Variants in PSMD5 observed in about 807,000 individuals in gnomAD.
The protein encoded by PSMD5 is 26S proteasome non-ATPase regulatory subunit 5.
A neutral mutation model predicts 52.1 loss-of-function variants in PSMD5; 40 were observed. The ratio of observed to expected loss-of-function variants is 0.77; its 90% CI spans 0.60 to 1.00. PSMD5 has a LOEUF of 1.00. Ranked by LOEUF, PSMD5 falls within the 50% of genes least tolerant of loss-of-function variation. The pLI, the probability that PSMD5 is intolerant of heterozygous loss-of-function variation, is 0.00. For synonymous variants in PSMD5, 211 were observed against 226.6 expected, an observed-to-expected ratio of 0.93 and a Z score of 0.62; for missense variants, 575 against 605.2, an observed-to-expected ratio of 0.95 and a Z score of 0.52.
chr9:120,826,638 C>G, intron 6 of PSMD5, 127 bp downstream of exon 6: 1 of 1,183,746 alleles, frequency 8.4e-7, no homozygotes, highest in Non-Finnish European at 1.2e-6. Context: ...ACGAAATCAG[C>G]TCATTAAGGA....
chr9:120,833,463 G>C lies in PSMD5; in HGVS notation c.174-7C>G. 1 of 1,611,968 alleles carries C rather than the reference G, an allele frequency of 6.2e-7. No individual in the cohort carries two copies. The highest frequency in any genetic ancestry group is 8.5e-7 in the Non-Finnish European group (1 of 1,178,598). The stretch of plus-strand genomic sequence containing the variant: ...ACACAAAGTAGTCTTTTCCCTGAAG[G>C]AGACATCATAAATCTTATTAGTTCA... On this transcript the variant is annotated splice_region_variant and splice_polypyrimidine_tract_variant and intron_variant, in intron 1 of 9. Transcript: ENST00000210313.
chr9:120,835,020 C>A (rs907896874), intron 1 of PSMD5, among the ~76,000 whole-genome samples: 5 of 152,216 alleles, frequency 3.3e-5, no homozygotes, highest in African/African-American at 1.2e-4. Flanking sequence ...CACAATTCAA[C>A]TGATACAACC....
At chr9:120,828,743 A>G (rs1028230051) in intron 5 of PSMD5, among the ~76,000 whole-genome samples, 1 of 152,152 alleles carries the variant, frequency 6.6e-6, no homozygotes, top group African/African-American at 2.4e-5. Context: ...TGTTTTTTCT[A>G]TCATGCCATA....
At chr9:120,833,011 C>CT (rs1564477331) in intron 2 of PSMD5, among the ~76,000 whole-genome samples, 1 of 152,206 alleles carries the variant, frequency 6.6e-6, no homozygotes, top group Admixed American at 6.5e-5. Context: ...CTTGGTAACT[C>CT]TAACAGCATA....
intron 7 of PSMD5, among the ~76,000 whole-genome samples, chr9:120,822,517 C>T (rs753857151): frequency 2.0e-5 from 3 of 152,050 alleles, no homozygotes; most frequent in African/African-American, 7.2e-5. Context: ...TACACAACAG[C>T]GTATTAATTT....
chr9:120,819,600 C>T (rs976771746), intron 9 of PSMD5, among the ~76,000 whole-genome samples: 2 of 152,156 alleles, frequency 1.3e-5, no homozygotes, highest in Admixed American at 6.5e-5. Context: ...TCTGGGAGGC[C>T]GAGGCGGGCG....
chr9:120,826,403 T>A (rs1420074661), intron 6 of PSMD5, among the ~76,000 whole-genome samples: 1 of 152,218 alleles, frequency 6.6e-6, no homozygotes, highest in Non-Finnish European at 1.5e-5. Flanking sequence ...TTCTATACTT[T>A]ATTTGTTAAG....
chr9:120,833,975 CTTTT>C (rs34657179), intron 1 of PSMD5, among the ~76,000 whole-genome samples: 2 of 80,316 alleles, frequency 2.5e-5, no homozygotes, highest in Admixed American at 3.0e-4. Flanking sequence ...CGCACCTGGC[CTTTT>C]TTTTTTTTTT....
chr9:120,835,598 G>A (rs768753880), intron 1 of PSMD5, among the ~76,000 whole-genome samples: 8 of 151,888 alleles, frequency 5.3e-5, no homozygotes, highest in Non-Finnish European at 8.8e-5. Flanking sequence ...TGTGGTAGTG[G>A]GCGCCTGTAA....
At chr9:120,842,399 A>C in intron 1 of PSMD5, 1 of 300,230 alleles carries the variant, frequency 3.3e-6, no homozygotes, top group East Asian at 6.3e-5. Context: ...TAGAAGGGGA[A>C]ACAAATCAAG....
chr9:120,836,702 T>C (rs1299581466), intron 1 of PSMD5, among the ~76,000 whole-genome samples: 2 of 152,264 alleles, frequency 1.3e-5, no homozygotes, highest in East Asian at 1.9e-4. Context: ...TGGCCCCATC[T>C]GTACTTCTTG....
At chr9:120,819,986 C>T (rs2045072422) in intron 9 of PSMD5, among the ~76,000 whole-genome samples, 1 of 152,108 alleles carries the variant, frequency 6.6e-6, no homozygotes, top group South Asian at 2.1e-4. Flanking sequence ...TCTGAGATCC[C>T]ATTATTGATA....
chr9:120,821,089 G>T (rs573043817), intron 8 of PSMD5, 110 bp from the exon 9 acceptor site: 2 of 1,253,642 alleles, frequency 1.6e-6, no homozygotes, highest in East Asian at 2.4e-5. Context: ...TTAATTTGTT[G>T]TGTGAAACTG....
intron 1 of PSMD5, among the ~76,000 whole-genome samples, chr9:120,839,919 G>C (rs1308912039): frequency 1.3e-5 from 2 of 148,200 alleles, no homozygotes; most frequent in Admixed American, 6.8e-5. Context: ...TCAGGAGTTC[G>C]ACACCAGCCT....
chr9:120,836,348 T>A (rs1469289996), intron 1 of PSMD5, among the ~76,000 whole-genome samples: 4 of 152,054 alleles, frequency 2.6e-5, no homozygotes, highest in Admixed American at 6.6e-5. Flanking sequence ...AATTTGTATT[T>A]CCCTATTTAA....
chr9:120,833,785 T>G (rs958524445), intron 1 of PSMD5, among the ~76,000 whole-genome samples: 2 of 148,734 alleles, frequency 1.3e-5, no homozygotes, highest in Non-Finnish European at 3.0e-5. Context: ...TTCAAGCAAT[T>G]CTCCTGCCTC....
chr9:120,820,157 C>T (rs997418198), intron 9 of PSMD5, among the ~76,000 whole-genome samples: 1 of 152,156 alleles, frequency 6.6e-6, no homozygotes, highest in Non-Finnish European at 1.5e-5. Flanking sequence ...TAATCCTTAC[C>T]ACAGCTGTAA....
At chr9:120,838,363 C>G (rs760662533) in intron 1 of PSMD5, among the ~76,000 whole-genome samples, 1 of 152,172 alleles carries the variant, frequency 6.6e-6, no homozygotes, top group Non-Finnish European at 1.5e-5. Context: ...TCTTTGCCAA[C>G]GAGCCAAAGA....
In PSMD5 at chr9:120,816,406, A is replaced by C. The variant is rs559839327; in HGVS notation, c.*1500T>G. ...TGCACCACATTGAAAAAAAATCAAC[A>C]TCATGAATGAGATTAAAACAAAGGT... On this transcript the variant is annotated 3_prime_UTR_variant, in exon 10 of 10. Coordinates refer to ENST00000210313, the MANE Select transcript of PSMD5 (RefSeq NM_005047.4). 1 of 152,354 alleles carries C rather than the reference A, an allele frequency of 6.6e-6. No individual in the cohort carries two copies. Among genetic ancestry groups the C allele is most frequent in the Admixed American group, 6.5e-5 (1 of 15,300 alleles). 9.4% of individuals were successfully genotyped at this position (152,354 alleles called of 1,614,324 possible).
Sources: allele counts gnomAD v4.1 joint callset (sites outside exome capture counted in the v4.1 genomes callset), GRCh38; gene constraint gnomAD v4.1.1; transcripts MANE v1.5; gene names NCBI Gene and HGNC (gene_info 2026-07-23, HGNC 2026-07-21).